Variants in SLCO1B1 observed in about 807,000 individuals in gnomAD.
SLCO1B1 encodes the protein solute carrier organic anion transporter family member 1B1, also known as OATP-2.
Under a neutral mutation model 70.1 loss-of-function variants are expected in SLCO1B1, and 81 were observed. That is an observed-to-expected ratio of 1.16 (90% CI 0.97 to 1.39). The LOEUF is 1.39. Ranked by LOEUF, SLCO1B1 falls within the 40% of genes most tolerant of loss-of-function variation. The probability of loss-of-function intolerance (pLI) is 0.00; values close to 1 mark genes in which losing one functional copy is unlikely to be tolerated. For synonymous variants in SLCO1B1, 283 were observed against 271.5 expected (o/e 1.04, Z -0.42); for missense variants, 895 against 799.6 (o/e 1.12, Z -1.44).
chr12:21,183,220 G>A (rs1940926215), intron 7 of SLCO1B1, among the ~76,000 whole-genome samples: 1 of 149,450 alleles, frequency 6.7e-6, no homozygotes, highest in Non-Finnish European at 1.5e-5. Flanking sequence ...ATTTGAGACT[G>A]TACCTCACTC....
chr12:21,141,540 A>C lies in SLCO1B1; in HGVS notation c.-35A>C. The stretch of plus-strand genomic sequence containing the variant: ...TGATTGTTTCAAACTGAGCATCAAC[A>C]ACAAAAACATTTGTATGATATCTAT... On this transcript the variant is annotated 5_prime_UTR_variant, in exon 2 of 15. Transcript: ENST00000256958. 2 of 1,362,168 alleles carry C rather than the reference A, an allele frequency of 1.5e-6. No homozygotes were observed. Among genetic ancestry groups the C allele is most frequent in the Non-Finnish European group, 2.1e-6 (2 of 953,428 alleles). The allele number at this position is 1,362,168 out of a possible 1,614,324, so 84.4% of individuals were successfully genotyped here. A position where few individuals can be genotyped will look rare whatever the true frequency, so the allele number is the denominator to read the frequency against.
At chr12:21,155,694 G>T (rs1380951611) in intron 2 of SLCO1B1, among the ~76,000 whole-genome samples, 1 of 152,162 alleles carries the variant, frequency 6.6e-6, no homozygotes, top group Non-Finnish European at 1.5e-5. Context: ...AGGGAAATGA[G>T]CCTCAAGGTG....
chr12:21,212,047 T>C (rs1353716593), intron 11 of SLCO1B1, among the ~76,000 whole-genome samples: 3 of 149,058 alleles, frequency 2.0e-5, no homozygotes, highest in Admixed American at 6.7e-5. Flanking sequence ...AGGTTTTTTT[T>C]TGTGTCTCTA....
intron 12 of SLCO1B1, among the ~76,000 whole-genome samples, chr12:21,219,686 T>A (rs973992597): frequency 6.6e-6 from 1 of 151,706 alleles, no homozygotes; most frequent in South Asian, 2.1e-4. Context: ...ATGCTGATAA[T>A]AGGAAAATAT....
chr12:21,220,306 A>G (rs1371051851), intron 12 of SLCO1B1, among the ~76,000 whole-genome samples: 2 of 152,188 alleles, frequency 1.3e-5, no homozygotes, highest in Admixed American at 1.3e-4. Flanking sequence ...TATGCAATCC[A>G]ACAGGAGAAA....
At chr12:21,164,542 C>T (rs776105518) in intron 2 of SLCO1B1, among the ~76,000 whole-genome samples, 1 of 152,020 alleles carries the variant, frequency 6.6e-6, no homozygotes, top group Admixed American at 6.6e-5. Flanking sequence ...TTCTTCATGG[C>T]TGCCAGAATT....
intron 11 of SLCO1B1, among the ~76,000 whole-genome samples, chr12:21,215,220 T>G (rs939573934): frequency 6.6e-6 from 1 of 152,230 alleles, no homozygotes; most frequent in African/African-American, 2.4e-5. Flanking sequence ...CTATGTTGAA[T>G]AGGAGTGGTG....
chr12:21,146,391 CTT>C (rs1940383429), intron 2 of SLCO1B1, among the ~76,000 whole-genome samples: 1 of 152,026 alleles, frequency 6.6e-6, no homozygotes, highest in Non-Finnish European at 1.5e-5. Context: ...AAAGAATTAA[CTT>C]GTGGTTTTGT....
intron 7 of SLCO1B1, among the ~76,000 whole-genome samples, chr12:21,190,229 A>T (rs531658325): frequency 1.3e-5 from 2 of 152,330 alleles, no homozygotes; most frequent in South Asian, 4.1e-4. Context: ...GACCATCCGT[A>T]CACGTGACTG....
At chr12:21,154,344 C>T (rs1045022708) in intron 2 of SLCO1B1, among the ~76,000 whole-genome samples, 3 of 152,062 alleles carry the variant, frequency 2.0e-5, no homozygotes, top group African/African-American at 7.2e-5. Flanking sequence ...AATAGAGCTT[C>T]CTTGCCTCTT....
Position 21,225,503 on chromosome 12 carries a change from A to ATAG in SLCO1B1, c.1865+667_1865+669dup, listed in dbSNP as rs557715776. Among the ~76,000 whole-genome samples the ATAG allele has an allele frequency of 4.3e-4, 66 of 152,332 alleles. No homozygotes were observed. The South Asian group carries it at 6.0e-3, about 14-fold the overall frequency. Reference sequence around the variant, plus strand: ...TGTGAAACTACATGTATTAAAACTCATAGTATAATTTCTTTCAATTATCTA... The same window carrying ATAG: ...TGTGAAACTACATGTATTAAAACTCATAGTAGTATAATTTCTTTCAATTATCTA... On this transcript the variant is annotated intron_variant, in intron 14 of 14. Coordinates refer to ENST00000256958, the MANE Select transcript of SLCO1B1 (RefSeq NM_006446.5).
chr12:21,151,207 T>G (rs551005308), intron 2 of SLCO1B1, among the ~76,000 whole-genome samples: 1 of 152,254 alleles, frequency 6.6e-6, no homozygotes, highest in South Asian at 2.1e-4. Context: ...AAAGATAAAG[T>G]AAAAATATGG....
At chr12:21,180,860 A>C (rs961245492) in intron 7 of SLCO1B1, among the ~76,000 whole-genome samples, 3 of 151,654 alleles carry the variant, frequency 2.0e-5, no homozygotes, top group Non-Finnish European at 4.4e-5. Context: ...TAAATAAGAA[A>C]TTATTACATT....
At position 21,172,110 on chromosome 12, in the gene SLCO1B1, A is replaced by C. The variant is rs12305163; in HGVS notation, c.85-540A>C. Among the ~76,000 whole-genome samples the C allele has an allele frequency of 9.4e-3, 1,438 of 152,314 alleles. 21 individuals carry two copies. Among genetic ancestry groups the C allele is most frequent in the African/African-American group, 0.033 (1,365 of 41,560 alleles). On this transcript the variant is annotated intron_variant, in intron 2 of 14. Transcript: ENST00000256958. ...AATGTGAGCTGTAATAGAAATGATT[A>C]ATCGATACATTTTATTAACATGAAA...
chr12:21,222,536 A>G (rs1941441366), intron 13 of SLCO1B1, among the ~76,000 whole-genome samples, 172 bp downstream of exon 13: 1 of 150,396 alleles, frequency 6.6e-6, no homozygotes, highest in African/African-American at 2.4e-5. Context: ...TATCCTTTCT[A>G]TTTCTGTGAT....
At chr12:21,209,844 G>A (rs921851381) in intron 11 of SLCO1B1, among the ~76,000 whole-genome samples, 21 of 151,994 alleles carry the variant, frequency 1.4e-4, no homozygotes, top group African/African-American at 5.1e-4. Flanking sequence ...TTTTTTGGCT[G>A]CATAAGTGTC....
intron 2 of SLCO1B1, among the ~76,000 whole-genome samples, chr12:21,144,703 T>C (rs1398892849): frequency 1.3e-5 from 2 of 152,124 alleles, no homozygotes; most frequent in African/African-American, 4.8e-5. Context: ...CCCATCAGTC[T>C]AACAATAGAT....
chr12:21,231,662 C>T (rs146834084), intron 14 of SLCO1B1, among the ~76,000 whole-genome samples: 3,184 of 151,782 alleles, frequency 0.021, 56 homozygotes, highest in Non-Finnish European at 0.031. Flanking sequence ...GACACACACA[C>T]ATATATATAC....
At chr12:21,206,218 G>C (rs1941213317) in intron 11 of SLCO1B1, among the ~76,000 whole-genome samples, 185 bp downstream of exon 11, 2 of 151,836 alleles carry the variant, frequency 1.3e-5, no homozygotes, top group Non-Finnish European at 2.9e-5. Context: ...TCTGCTTAGG[G>C]CACAATCAGG....
Sources: gnomAD v4.1 joint callset for allele counts (sites outside exome capture counted in the v4.1 genomes callset) on GRCh38, gnomAD v4.1.1 for gene constraint, MANE v1.5 for transcripts, NCBI Gene and HGNC (gene_info 2026-07-23, HGNC 2026-07-21) for gene names.